KSR1: variants seen among roughly 807,000 people sequenced by gnomAD.
KSR1 encodes kinase suppressor of ras 1, also known as kinase suppressor of ras.
Under a neutral mutation model 92.9 loss-of-function variants are expected in KSR1, and 35 were observed. The ratio of observed to expected loss-of-function variants is 0.38; its 90% CI spans 0.29 to 0.50. The LOEUF is 0.50. Ranked by LOEUF, KSR1 falls within the 20% of genes least tolerant of loss-of-function variation. The pLI is 0.94. For synonymous variants in KSR1, 467 were observed against 472.6 expected (o/e 0.99, Z 0.15); for missense variants, 972 against 1,158.5 (o/e 0.84, Z 2.34).
chr17:27,457,645 A>T (rs1376271569), intron 1 of KSR1, among the ~76,000 whole-genome samples: 1 of 152,122 alleles, frequency 6.6e-6, no homozygotes, highest in Non-Finnish European at 1.5e-5. Context: ...CCTCTCTCAA[A>T]TTATAGCTGG....
At chr17:27,481,659 G>T (rs2068512887) in intron 1 of KSR1, among the ~76,000 whole-genome samples, 1 of 152,172 alleles carries the variant, frequency 6.6e-6, no homozygotes, top group South Asian at 2.1e-4. Context: ...CCATGCCATG[G>T]AAACTCATCC....
intron 1 of KSR1, among the ~76,000 whole-genome samples, chr17:27,479,732 G>A (rs1006396613): frequency 5.3e-5 from 8 of 152,224 alleles, no homozygotes; most frequent in African/African-American, 1.7e-4. Flanking sequence ...GCTTCAATGG[G>A]ATGTGAGCCT....
chr17:27,603,917 G>A (rs749052976), intron 12 of KSR1, 29 bp downstream of exon 12: 27 of 1,608,562 alleles, frequency 1.7e-5, no homozygotes, highest in East Asian at 4.5e-5. Flanking sequence ...TGTCCCCTTC[G>A]CTTCTTTGGG....
At chr17:27,526,561 A>G (rs765467822) in intron 1 of KSR1, 8 of 1,599,988 alleles carry the variant, frequency 5.0e-6, no homozygotes, top group African/African-American at 2.7e-5. Context: ...GCCACAATGC[A>G]CCTCATTCAT....
At position 27,605,586 on chromosome 17, in the gene KSR1, G is replaced by A. The variant is rs2073724391; in HGVS notation, c.1767G>A (p.Glu589=). The change falls in exon 14 of 21, where the codon GAG becomes GAA. Residue 589 remains glutamate (E), a synonymous_variant. Coordinates refer to ENST00000644974, the MANE Select transcript of KSR1 (RefSeq NM_001394583.1). Reference sequence around the variant, plus strand: ...TGCAGGAGTGGGACATCCCCTTCGAGCAGGTAGAGCTGGGCGAGCCCATCG... The same window carrying A: ...TGCAGGAGTGGGACATCCCCTTCGAACAGGTAGAGCTGGGCGAGCCCATCG... The part of the protein sequence containing the change: ...VYLQEWDIPF[E]QVELGEPIGQ... 6.3e-7 allele frequency: 1 copy of A among 1,599,388 alleles called. No individual in the cohort carries two copies. The highest frequency in any genetic ancestry group is 1.7e-5 in the Admixed American group (1 of 57,702).
intron 14 of KSR1, 36 bp downstream of exon 14, chr17:27,605,849 G>T: frequency 1.2e-6 from 2 of 1,607,840 alleles, no homozygotes; most frequent in Non-Finnish European, 1.7e-6. Context: ...TGGATGGCCA[G>T]CTCAGCCTCC....
chr17:27,521,726 G>A (rs923410390), intron 1 of KSR1, among the ~76,000 whole-genome samples: 3 of 152,180 alleles, frequency 2.0e-5, no homozygotes, highest in African/African-American at 4.8e-5. Flanking sequence ...GAGCCACCAC[G>A]CCTGGCCTGC....
rs766169091 is a variant in KSR1, at chr17:27,597,407, G to C, written c.1439G>C (p.Gly480Ala). The part of the protein sequence containing the change: ...SATTPPNPSP[G>A]QRDSRFNFPA... ...ACCACGCCCCCCAACCCCTCACCTG[G>C]CCAGCGGGACAGCAGGTTCAACTTC... Residue 480 changes from glycine (G) to alanine (A), a missense_variant, in exon 10 of 21, where the codon GGC becomes GCC. Coordinates refer to ENST00000644974, the MANE Select transcript of KSR1 (RefSeq NM_001394583.1). The C allele has an allele frequency of 6.2e-7, 1 of 1,611,062 alleles. No individual in the cohort carries two copies. The highest frequency in any genetic ancestry group is 8.5e-7 in the Non-Finnish European group (1 of 1,178,160).
intron 1 of KSR1, among the ~76,000 whole-genome samples, chr17:27,522,330 G>A (rs535906428): frequency 3.3e-5 from 5 of 152,290 alleles, no homozygotes; most frequent in African/African-American, 9.6e-5. Context: ...AAACAACCAC[G>A]CAATCCTCCA....
At chr17:27,491,057 CTGTG>C (rs781244704) in intron 1 of KSR1, among the ~76,000 whole-genome samples, 2 of 151,948 alleles carry the variant, frequency 1.3e-5, no homozygotes, top group Non-Finnish European at 2.9e-5. Context: ...GTATCTATAA[CTGTG>C]TGTGTATCTA....
intron 20 of KSR1, chr17:27,622,080 A>C (rs2074239503): frequency 2.7e-6 from 2 of 752,156 alleles, no homozygotes; most frequent in South Asian, 3.2e-5. Flanking sequence ...TCTCGAGGCT[A>C]CTTCTTTTGC....
chr17:27,588,566 G>A (rs1268905761), intron 6 of KSR1, 31 bp downstream of exon 6: 7 of 1,561,086 alleles, frequency 4.5e-6, no homozygotes, highest in Non-Finnish European at 6.1e-6. Context: ...GGGGGAGCAG[G>A]GCACAGCCGG....
intron 1 of KSR1, among the ~76,000 whole-genome samples, chr17:27,510,122 G>C (rs1485646927): frequency 6.6e-6 from 1 of 152,256 alleles, no homozygotes; most frequent in Admixed American, 6.5e-5. Flanking sequence ...CTCAAAGCTT[G>C]CTGCACCTTG....
intron 1 of KSR1, among the ~76,000 whole-genome samples, chr17:27,464,002 G>A (rs2019565682): frequency 6.6e-6 from 1 of 152,174 alleles, no homozygotes; most frequent in African/African-American, 2.4e-5. Context: ...CTGTTAAGCA[G>A]AATTAACAAA....
At chr17:27,500,111 GT>G (rs1720407969) in intron 1 of KSR1, among the ~76,000 whole-genome samples, 2 of 152,218 alleles carry the variant, frequency 1.3e-5, no homozygotes, top group Admixed American at 1.3e-4. Context: ...GGAGACCCAG[GT>G]CTGGGGGAGC....
chr17:27,540,191 A>C (rs1597981269), intron 1 of KSR1, among the ~76,000 whole-genome samples: 1 of 152,176 alleles, frequency 6.6e-6, no homozygotes, highest in African/African-American at 2.4e-5. Context: ...AGAGGAGCTA[A>C]CTCATCAGTG....
chr17:27,597,121 C>A, intron 9 of KSR1, 147 bp from the exon 10 acceptor site: 1 of 894,782 alleles, frequency 1.1e-6, no homozygotes, highest in Non-Finnish European at 1.7e-6. Context: ...GCTGCCCTTC[C>A]TCAAATGTTA....
intron 1 of KSR1, among the ~76,000 whole-genome samples, chr17:27,550,130 C>CCTGGG (rs1445003446): frequency 1.6e-4 from 24 of 152,238 alleles, no homozygotes; most frequent in Admixed American, 9.2e-4. Context: ...GCCTTGACCT[C>CCTGGG]CTGGGCTCAA....
chr17:27,582,697 A>G lies in KSR1; in HGVS notation c.572A>G (p.Glu191Gly). 2.5e-6 allele frequency: 4 copies of G among 1,613,496 alleles called. No homozygotes were observed. Among genetic ancestry groups the G allele is most frequent in the Non-Finnish European group, 3.4e-6 (4 of 1,179,616 alleles). ...SSWSSLDARR[E>G]SGSGPSTDTL... ...TGGAGTTCATTGGATGCGCGGCGGG[A>G]AAGTGGCTCAGGGCCTTCCACGGAC... is the stretch of plus-strand genomic sequence containing the variant. Residue 191 changes from glutamate (E) to glycine (G), a missense_variant, in exon 4 of 21, where the codon GAA becomes GGA. Glu to Gly is a moderately conservative substitution (Grantham distance 98). This residue lies in a region of KSR1 where 611 missense variants were observed against 668.0 expected (regional missense o/e 0.91). Coordinates refer to ENST00000644974, the MANE Select transcript of KSR1 (RefSeq NM_001394583.1).
Sources: gnomAD v4.1 joint callset for allele counts (sites outside exome capture counted in the v4.1 genomes callset) on GRCh38, gnomAD v4.1.1 for gene constraint, gnomAD v4.1.1 regional missense constraint, MANE v1.5 for transcripts, NCBI Gene and HGNC (gene_info 2026-07-23, HGNC 2026-07-21) for gene names.